Variants in SPINK5 observed in about 807,000 individuals in gnomAD.
The protein encoded by SPINK5 is serine protease inhibitor Kazal-type 5.
In SPINK5, 125 loss-of-function variants were observed where a neutral mutation model predicts 151.8. The ratio of observed to expected loss-of-function variants is 0.82; its 90% CI spans 0.71 to 0.96. The LOEUF (loss-of-function observed/expected upper bound fraction) is 0.96, where lower values mean the gene tolerates loss of function less well. Ranked by LOEUF, SPINK5 falls within the 40% of genes least tolerant of loss-of-function variation. SPINK5 has a pLI of 0.00. For missense variants in SPINK5, 1,194 were observed against 1,291.9 expected, an observed-to-expected ratio of 0.92 and a Z score of 1.16; for synonymous variants, 374 against 395.3, an observed-to-expected ratio of 0.95 and a Z score of 0.64.
At chr5:148,099,185 G>A (rs1469791498) in intron 11 of SPINK5, 49 bp from the exon 12 acceptor site, 1 of 1,517,094 alleles carries the variant, frequency 6.6e-7, no homozygotes, top group East Asian at 2.3e-5. Context: ...GAGAAATCAT[G>A]GCATGTGTTT....
chr5:148,077,822 A>T (rs1752923804), intron 4 of SPINK5, among the ~76,000 whole-genome samples: 1 of 150,856 alleles, frequency 6.6e-6, no homozygotes, highest in South Asian at 2.1e-4. Flanking sequence ...TATATAATAA[A>T]TATATAACAT....
rs988192493 is a variant in SPINK5, at chr5:148,101,582, C to A, written c.1302+146C>A. On this transcript the variant is annotated intron_variant, in intron 14 of 32. Transcript: ENST00000256084. Reference sequence around the variant, plus strand: ...ATGTGTTTTCATGTGTGCAGTTATACATGTGCATATGTGACTATTTCTTGG... The same window carrying A: ...ATGTGTTTTCATGTGTGCAGTTATAAATGTGCATATGTGACTATTTCTTGG... 2.2e-5 allele frequency: 22 copies of A among 998,504 alleles called. No homozygotes were observed. In the African/African-American group the frequency reaches 3.4e-4, roughly 15 times the overall value. The allele number at this position is 998,504 out of a possible 1,614,324, so 61.9% of individuals were successfully genotyped here. A position where few individuals can be genotyped will look rare whatever the true frequency, so the allele number is the denominator to read the frequency against.
At chr5:148,071,715 A>G (rs1752742855) in intron 3 of SPINK5, among the ~76,000 whole-genome samples, 1 of 152,042 alleles carries the variant, frequency 6.6e-6, no homozygotes. Flanking sequence ...TGCAAAGCAT[A>G]AAAGCTGTCA....
At chr5:148,128,724 T>C (rs957878142) in intron 30 of SPINK5, among the ~76,000 whole-genome samples, 6 of 151,988 alleles carry the variant, frequency 3.9e-5, no homozygotes, top group African/African-American at 1.4e-4. Context: ...GGGGTTTCAC[T>C]GTGTTAGCCA....
chr5:148,125,617 A>G, intron 28 of SPINK5, 106 bp from the exon 29 acceptor site: 1 of 1,614,204 alleles, frequency 6.2e-7, no homozygotes, highest in Non-Finnish European at 8.5e-7. Flanking sequence ...GAGTACAGTG[A>G]GTCTGAGCCC....
chr5:148,085,311 T>C (rs2113046112), intron 4 of SPINK5, among the ~76,000 whole-genome samples: 1 of 152,092 alleles, frequency 6.6e-6, no homozygotes, highest in South Asian at 2.1e-4. Flanking sequence ...AAGTGTTTCA[T>C]ATTTATCATT....
rs573380096 is a variant in SPINK5 at position 148,086,121 on chromosome 5, C to G, written c.283-284C>G. 1.3e-4 allele frequency among the ~76,000 whole-genome samples: 20 copies of G among 151,994 alleles called. 1 individual carries two copies. In the South Asian group the frequency reaches 1.5e-3, roughly 11 times the overall value. On this transcript the variant is annotated intron_variant, in intron 4 of 32. Transcript: ENST00000256084. ...TGTGGAGAAGGCAGGCAGGATTGGA[C>G]AGACGAACAACATGCCAAGTTTCAG...
intron 29 of SPINK5, among the ~76,000 whole-genome samples, chr5:148,126,207 ATAT>A (rs1472494544): frequency 6.6e-6 from 1 of 152,156 alleles, no homozygotes; most frequent in African/African-American, 2.4e-5. Flanking sequence ...ACCCCAAAAT[ATAT>A]TATATCAGAA....
Position 148,101,129 on chromosome 5 carries a change from T to C in SPINK5, c.1221-226T>C, listed in dbSNP as rs141125665. Among the ~76,000 whole-genome samples, 77 of 152,230 alleles carry C rather than the reference T, an allele frequency of 5.1e-4. 1 individual carries two copies. In the East Asian group the frequency reaches 0.014, roughly 27 times the overall value. On this transcript the variant is annotated intron_variant, in intron 13 of 32. Coordinates refer to ENST00000256084, the MANE Select transcript of SPINK5 (RefSeq NM_006846.4). ...GTCTGTACTTATTATTTCTATATCT[T>C]CAGGTGAGTTATGCATTCCGTCTGT...
intron 9 of SPINK5, among the ~76,000 whole-genome samples, chr5:148,094,806 C>T (rs759502138): frequency 1.3e-5 from 2 of 151,950 alleles, no homozygotes; most frequent in African/African-American, 2.4e-5. Context: ...GCAGGTACCA[C>T]GACTTCGATT....
chr5:148,072,253 TGA>T, intron 4 of SPINK5, 33 bp downstream of exon 4: 1 of 1,601,304 alleles, frequency 6.2e-7, no homozygotes, highest in African/African-American at 1.3e-5. Flanking sequence ...TGTTTACTTT[TGA>T]GAGGATGTTT....
chr5:148,080,097 TTCTA>T (rs1486711756), intron 4 of SPINK5, among the ~76,000 whole-genome samples: 1 of 151,216 alleles, frequency 6.6e-6, no homozygotes, highest in East Asian at 1.9e-4. Flanking sequence ...AAAATTGTAT[TTCTA>T]TATACTAGCA....
chr5:148,098,252 C>A (rs1753525976), intron 11 of SPINK5, among the ~76,000 whole-genome samples: 1 of 151,942 alleles, frequency 6.6e-6, no homozygotes, highest in African/African-American at 2.4e-5. Flanking sequence ...TAGTAGATGC[C>A]CCCTTACTCC....
chr5:148,113,646 C>T (rs1234434590), intron 20 of SPINK5, among the ~76,000 whole-genome samples: 2 of 152,164 alleles, frequency 1.3e-5, no homozygotes, highest in African/African-American at 4.8e-5. Context: ...CCATCAAAGA[C>T]TATTGAGATT....
At chr5:148,109,834 C>T (rs1218964015) in intron 18 of SPINK5, among the ~76,000 whole-genome samples, 1 of 152,168 alleles carries the variant, frequency 6.6e-6, no homozygotes, top group African/African-American at 2.4e-5. Flanking sequence ...CTTCTCACCT[C>T]ACTCAAAGTA....
At chr5:148,073,223 A>G (rs1416208165) in intron 4 of SPINK5, among the ~76,000 whole-genome samples, 5 of 151,928 alleles carry the variant, frequency 3.3e-5, no homozygotes, top group Non-Finnish European at 5.9e-5. Context: ...TAAAATAATC[A>G]GTCAAGGTTA....
chr5:148,099,103 T>G, intron 11 of SPINK5, 131 bp from the exon 12 acceptor site: 1 of 721,952 alleles, frequency 1.4e-6, no homozygotes, highest in Non-Finnish European at 2.4e-6. Context: ...TGCTTCTCAT[T>G]GATATGCAGT....
rs1324136271 is a variant in SPINK5 at position 148,101,538 on chromosome 5, G to A, written c.1302+102G>A. The A allele has an allele frequency of 1.4e-5, 15 of 1,095,460 alleles. No homozygotes were observed. The East Asian group carries it at 3.6e-4, about 27-fold the overall frequency. The allele number at this position is 1,095,460 out of a possible 1,614,324, so 67.9% of individuals were successfully genotyped here. A position where few individuals can be genotyped will look rare whatever the true frequency, so the allele number is the denominator to read the frequency against. On this transcript the variant is annotated intron_variant, in intron 14 of 32. Transcript: ENST00000256084. ...TTCCTTAAAACTGTATGAAACAATT[G>A]TACAGTTTGTGTTTTCATATGTGTT...
chr5:148,069,889 G>T (rs935341125), intron 2 of SPINK5, among the ~76,000 whole-genome samples: 1 of 152,000 alleles, frequency 6.6e-6, no homozygotes, highest in African/African-American at 2.4e-5. Context: ...AAATTTCTAG[G>T]AACTGATATG....
Sources: allele counts gnomAD v4.1 joint callset (sites outside exome capture counted in the v4.1 genomes callset), GRCh38; gene constraint gnomAD v4.1.1; transcripts MANE v1.5; gene names NCBI Gene and HGNC (gene_info 2026-07-23, HGNC 2026-07-21).